The following SLC30A7 variants were observed in gnomAD, a reference collection of about 807,000 sequenced individuals.
SLC30A7 encodes the protein solute carrier family 30 member 7.
In SLC30A7, 35 loss-of-function variants were observed where a neutral mutation model predicts 46.0. The observed-to-expected ratio is 0.76, with a 90% CI of 0.58 to 1.01. The LOEUF (loss-of-function observed/expected upper bound fraction) is 1.01. Ranked by LOEUF, SLC30A7 falls within the 50% of genes least tolerant of loss-of-function variation. The pLI is 0.00. For synonymous variants in SLC30A7, 147 were observed against 157.8 expected (o/e 0.93, Z 0.51); for missense variants, 464 against 451.1 (o/e 1.03, Z -0.26).
chr1:100,964,722 G>A (rs1404728571), intron 9 of SLC30A7, among the ~76,000 whole-genome samples: 2 of 152,172 alleles, frequency 1.3e-5, no homozygotes, highest in Non-Finnish European at 2.9e-5. Context: ...TATGGAAGTA[G>A]GAGAAATCTT....
intron 8 of SLC30A7, among the ~76,000 whole-genome samples, chr1:100,929,384 T>G (rs1653529634): frequency 6.6e-6 from 1 of 152,140 alleles, no homozygotes; most frequent in Non-Finnish European, 1.5e-5. Context: ...TTTATTTAAA[T>G]GTACACCTGA....
chr1:100,917,806 T>G (rs1652669034), intron 6 of SLC30A7, among the ~76,000 whole-genome samples: 1 of 152,184 alleles, frequency 6.6e-6, no homozygotes, highest in Non-Finnish European at 1.5e-5. Flanking sequence ...TACTGGAAGA[T>G]TTTCACAATG....
At chr1:100,992,729 A>T in the SLC30A7 span, 1 of 1,612,552 alleles carries the variant, frequency 6.2e-7, no homozygotes, top group East Asian at 2.2e-5. Flanking sequence ...AGGTTCATAG[A>T]TCTTCCTTCC....
the SLC30A7 span, among the ~76,000 whole-genome samples, chr1:100,994,615 C>A: frequency 6.6e-6 from 1 of 151,944 alleles, no homozygotes. Context: ...CAACCTCTGC[C>A]TCCCAGATTC....
chr1:100,951,888 A>T (rs1654974761), intron 8 of SLC30A7, among the ~76,000 whole-genome samples: 1 of 152,180 alleles, frequency 6.6e-6, no homozygotes, highest in Admixed American at 6.5e-5. Flanking sequence ...TAATTAAGTT[A>T]AAGATTTTGA....
At chr1:100,901,633 G>A (rs1031637033) in intron 2 of SLC30A7, among the ~76,000 whole-genome samples, 16 of 151,906 alleles carry the variant, frequency 1.1e-4, no homozygotes, top group Non-Finnish European at 8.8e-5. Context: ...TTAGTAGATG[G>A]GAGTTTCTCT....
chr1:100,954,785 C>A (rs1241981206), intron 8 of SLC30A7, among the ~76,000 whole-genome samples: 1 of 151,988 alleles, frequency 6.6e-6, no homozygotes, highest in African/African-American at 2.4e-5. Context: ...AGGTAATTAT[C>A]CATCACTATG....
intron 8 of SLC30A7, among the ~76,000 whole-genome samples, chr1:100,925,386 A>G (rs1653232510): frequency 6.6e-6 from 1 of 152,244 alleles, no homozygotes; most frequent in Non-Finnish European, 1.5e-5. Flanking sequence ...TTTGTTTTAA[A>G]AAATGATTTT....
chr1:100,941,865 T>C, intron 8 of SLC30A7: 1 of 456,424 alleles, frequency 2.2e-6, no homozygotes, highest in South Asian at 2.0e-5. Context: ...TACCACACAC[T>C]CTGTGAGTGT....
chr1:100,979,430 T>C lies in SLC30A7; in HGVS notation c.*4573T>C, dbSNP rs79050313. 79 of 122,292 alleles carry C rather than the reference T, an allele frequency of 6.5e-4. No individual in the cohort carries two copies. In the East Asian group the frequency reaches 0.015, roughly 24 times the overall value. The allele number at this position is 122,292 out of a possible 1,614,324, so 7.6% of individuals were successfully genotyped here. A position where few individuals can be genotyped will look rare whatever the true frequency, so the allele number is the denominator to read the frequency against. ...TAGCCTCAAATACAGTGAAAGATTA[T>C]GTATCCAAAAAAAAAAAAAAAAAAA... On this transcript the variant is annotated 3_prime_UTR_variant, in exon 11 of 11. Coordinates refer to ENST00000357650, the MANE Select transcript of SLC30A7 (RefSeq NM_133496.5).
intron 8 of SLC30A7, among the ~76,000 whole-genome samples, chr1:100,936,113 A>G (rs1270896225): frequency 6.6e-6 from 1 of 151,826 alleles, no homozygotes; most frequent in Non-Finnish European, 1.5e-5. Context: ...GTGATTTTCA[A>G]ACTCTGGCAC....
At position 100,896,417 on chromosome 1, in the gene SLC30A7, G is replaced by T; in HGVS notation, c.80+75G>T. 3.3e-6 allele frequency: 5 copies of T among 1,525,878 alleles called. No individual in the cohort carries two copies. The South Asian group carries it at 5.6e-5, about 17-fold the overall frequency. 94.5% of individuals were successfully genotyped at this position (1,525,878 alleles called of 1,614,324 possible). ...AGGCCCAGACCTCAGGATGGCCCGA[G>T]GTCCAGTGAGGGAGAGTCAAAAACT... On this transcript the variant is annotated intron_variant, in intron 1 of 10. Transcript: ENST00000357650.
At chr1:100,942,782 A>C (rs1231999910) in intron 8 of SLC30A7, among the ~76,000 whole-genome samples, 1 of 152,250 alleles carries the variant, frequency 6.6e-6, no homozygotes, top group African/African-American at 2.4e-5. Context: ...TTTCAATTTA[A>C]AAGAGTGTTT....
At chr1:100,913,456 C>CCTCT (rs1652264793) in intron 5 of SLC30A7, among the ~76,000 whole-genome samples, 1 of 152,158 alleles carries the variant, frequency 6.6e-6, no homozygotes. Flanking sequence ...TAAGGTCTAT[C>CCTCT]ACTTTCCTCT....
chr1:100,970,066 C>T (rs960810962), intron 10 of SLC30A7, among the ~76,000 whole-genome samples: 1 of 152,058 alleles, frequency 6.6e-6, no homozygotes, highest in African/African-American at 2.4e-5. Context: ...TAAGAAAACT[C>T]AAATTGCTCC....
Position 100,965,899 on chromosome 1 carries a change from C to T in SLC30A7, c.1064C>T (p.Thr355Ile), listed in dbSNP as rs1198842269. 6.2e-7 allele frequency: 1 copy of T among 1,612,472 alleles called. No homozygotes were observed. The highest frequency in any genetic ancestry group is 1.1e-5 in the South Asian group (1 of 90,606). ...GATGCTAGGTGGATTTTAAGCCAAA[C>T]ACATAATATTTTTACTCAGGTATGT... Reference protein sequence around the residue: ...DADARWILSQTHNIFTQAGVR... With the variant: ...DADARWILSQIHNIFTQAGVR... The change falls in exon 10 of 11, where the codon ACA (threonine) becomes ATA (isoleucine). Residue 355 changes from threonine (T) to isoleucine (I), a missense_variant. Transcript: ENST00000357650.
chr1:100,918,251 C>G (rs1652717866), intron 7 of SLC30A7, 124 bp downstream of exon 7: 5 of 706,712 alleles, frequency 7.1e-6, no homozygotes, highest in Non-Finnish European at 9.5e-6. Flanking sequence ...TTAGTGTTAG[C>G]CTTTCTAGTG....
At chr1:100,901,055 A>G (rs962962273) in intron 2 of SLC30A7, among the ~76,000 whole-genome samples, 5 of 152,162 alleles carry the variant, frequency 3.3e-5, no homozygotes, top group African/African-American at 9.7e-5. Flanking sequence ...CAGACACAAG[A>G]TGTAATTTCT....
At chr1:100,968,385 C>G (rs1476229227) in intron 10 of SLC30A7, among the ~76,000 whole-genome samples, 1 of 151,482 alleles carries the variant, frequency 6.6e-6, no homozygotes, top group Non-Finnish European at 1.5e-5. Flanking sequence ...CGCTTGAACC[C>G]AGGAGGCAGA....
Sources: allele counts gnomAD v4.1 joint callset (sites outside exome capture counted in the v4.1 genomes callset), GRCh38; gene constraint gnomAD v4.1.1; transcripts MANE v1.5; gene names NCBI Gene and HGNC (gene_info 2026-07-23, HGNC 2026-07-21).